IQCH: variants seen among roughly 807,000 people sequenced by gnomAD.
IQCH encodes the protein IQ motif containing H, also known as IQ domain-containing protein H.
IQCH carries 98 observed loss-of-function variants against 117.0 expected under a neutral mutation model. The ratio of observed to expected loss-of-function variants is 0.84; its 90% confidence interval spans 0.71 to 0.99. The LOEUF is 0.99. Ranked by LOEUF, IQCH falls within the 50% of genes least tolerant of loss-of-function variation. The pLI is 0.00. For synonymous variants in IQCH, 412 were observed against 448.2 expected (o/e 0.92, Z 1.02); for missense variants, 1,102 against 1,243.8 (o/e 0.89, Z 1.72).
At chr15:67,255,118 C>T (rs1965092557) in intron 1 of IQCH, 171 bp downstream of exon 1, 3 of 669,490 alleles carry the variant, frequency 4.5e-6, no homozygotes, top group African/African-American at 1.8e-5. Flanking sequence ...CACGGCCCAG[C>T]ACACTCCCGG....
At chr15:67,468,765 GAGAAC>G (rs1002186762) in intron 17 of IQCH, among the ~76,000 whole-genome samples, 1 of 152,124 alleles carries the variant, frequency 6.6e-6, no homozygotes, top group Non-Finnish European at 1.5e-5. Context: ...CCTTACTGCC[GAGAAC>G]AGATTTTGGA....
intron 13 of IQCH, among the ~76,000 whole-genome samples, chr15:67,396,296 C>T (rs1415201620): frequency 1.3e-5 from 2 of 151,846 alleles, no homozygotes; most frequent in African/African-American, 2.4e-5. Context: ...AGACTTCCTT[C>T]GCTCTTCAGG....
At chr15:67,489,036 A>ATT (rs749936385) in intron 18 of IQCH, among the ~76,000 whole-genome samples, 2 of 143,384 alleles carry the variant, frequency 1.4e-5, no homozygotes, top group East Asian at 2.0e-4. Flanking sequence ...TACATATATA[A>ATT]TTTTTTTTTT....
At chr15:67,302,949 C>G (rs1967121612) in intron 4 of IQCH, among the ~76,000 whole-genome samples, 1 of 152,190 alleles carries the variant, frequency 6.6e-6, no homozygotes, top group South Asian at 2.1e-4. Flanking sequence ...CTAAACGTAT[C>G]TATGCTTATC....
rs1266796899 is a variant in IQCH, at chr15:67,463,956, C to T, written c.2506-1171C>T. Among the ~76,000 whole-genome samples the T allele has an allele frequency of 2.0e-5, 3 of 152,158 alleles. No homozygotes were observed. Among genetic ancestry groups the T allele is most frequent in the African/African-American group, 7.2e-5 (3 of 41,432 alleles). On this transcript the variant is annotated intron_variant, in intron 16 of 20. Coordinates refer to ENST00000335894, the MANE Select transcript of IQCH (RefSeq NM_001031715.3). This position sits in a 1 kb window ranked among gnomAD's most constrained non-coding sequence, Gnocchi z 4.0. ...CTCCTGGGTTCAAGCGATTCTCGTGCCTCAGCCTCCCAAGTATCTGAGATT... is the reference window on the plus strand; with the variant it reads ...CTCCTGGGTTCAAGCGATTCTCGTGTCTCAGCCTCCCAAGTATCTGAGATT...
intron 18 of IQCH, among the ~76,000 whole-genome samples, chr15:67,485,331 C>T (rs973542560): frequency 5.3e-5 from 8 of 151,838 alleles, no homozygotes; most frequent in African/African-American, 1.7e-4. Flanking sequence ...AAATGACTAG[C>T]GAACTAGAAA....
At chr15:67,330,509 C>G (rs1468000643) in intron 4 of IQCH, among the ~76,000 whole-genome samples, 1 of 152,098 alleles carries the variant, frequency 6.6e-6, no homozygotes, top group Non-Finnish European at 1.5e-5. Context: ...GCTGGTAAAC[C>G]TGACCAAGAG....
chr15:67,411,985 C>T lies in IQCH; in HGVS notation c.2098-4946C>T, dbSNP rs1161101927. 1.3e-5 allele frequency among the ~76,000 whole-genome samples: 2 copies of T among 152,122 alleles called. No individual in the cohort carries two copies. Among genetic ancestry groups the T allele is most frequent in the Non-Finnish European group, 2.9e-5 (2 of 68,014 alleles). ...GTCTTGGAACCTTCCAACGTCCTGACGATTGTTGATGCACTCTGAGAGGTA... is the reference window on the plus strand; with the variant it reads ...GTCTTGGAACCTTCCAACGTCCTGATGATTGTTGATGCACTCTGAGAGGTA... On this transcript the variant is annotated intron_variant, in intron 14 of 20. Transcript: ENST00000335894. The surrounding 1 kb of genome is among the most constrained non-coding windows in gnomAD (Gnocchi z 4.4).
chr15:67,451,529 T>C (rs376136253), intron 16 of IQCH, among the ~76,000 whole-genome samples: 1 of 152,156 alleles, frequency 6.6e-6, no homozygotes. Flanking sequence ...TGTAGTTGAG[T>C]GGTTTTGAGT....
intron 10 of IQCH, among the ~76,000 whole-genome samples, chr15:67,377,115 C>CAAAAAAA (rs5813442): frequency 3.7e-5 from 3 of 81,976 alleles, no homozygotes; most frequent in Admixed American, 1.2e-4. Context: ...GACTCCATCT[C>CAAAAAAA]AAAAAAAAAA....
At position 67,341,593 on chromosome 15, in the gene IQCH, C is replaced by T. The variant is rs533438890; in HGVS notation, c.509-2470C>T. On this transcript the variant is annotated intron_variant, in intron 5 of 20. Coordinates refer to ENST00000335894, the MANE Select transcript of IQCH (RefSeq NM_001031715.3). ...CTGTGAGATACATCATTTCTGATTACTTCAGGTGACCGTTTTGCTCATCTC... is the reference window on the plus strand; with the variant it reads ...CTGTGAGATACATCATTTCTGATTATTTCAGGTGACCGTTTTGCTCATCTC... Among the ~76,000 whole-genome samples, 4 of 152,288 alleles carry T rather than the reference C, an allele frequency of 2.6e-5. No individual in the cohort carries two copies. The East Asian group carries it at 5.8e-4, about 22-fold the overall frequency.
chr15:67,446,128 C>T (rs1421056134), intron 16 of IQCH, among the ~76,000 whole-genome samples: 2 of 152,158 alleles, frequency 1.3e-5, no homozygotes, highest in African/African-American at 4.8e-5. Context: ...ATATGAAAGA[C>T]TTATGGCATA....
At chr15:67,264,265 A>G (rs1013525558) in intron 3 of IQCH, among the ~76,000 whole-genome samples, 1 of 152,248 alleles carries the variant, frequency 6.6e-6, no homozygotes. Flanking sequence ...TACTGCCTGC[A>G]AGGCACTTGT....
chr15:67,350,858 GA>G (rs986207088), intron 6 of IQCH, among the ~76,000 whole-genome samples: 4 of 152,142 alleles, frequency 2.6e-5, no homozygotes, highest in African/African-American at 9.7e-5. Context: ...CTGACTTTTA[GA>G]AAGAATAATG....
intron 4 of IQCH, among the ~76,000 whole-genome samples, chr15:67,288,127 A>G (rs1966630710): frequency 6.6e-6 from 1 of 151,972 alleles, no homozygotes; most frequent in Admixed American, 6.6e-5. Flanking sequence ...ATTTCAATTT[A>G]TTTTGAATGT....
intron 8 of IQCH, among the ~76,000 whole-genome samples, chr15:67,362,295 T>A (rs1016977610): frequency 5.3e-5 from 8 of 149,674 alleles, no homozygotes; most frequent in East Asian, 3.9e-4. Flanking sequence ...TCTCCAAATT[T>A]AAAAAAAAAA....
At chr15:67,329,886 G>A (rs1968587560) in intron 4 of IQCH, among the ~76,000 whole-genome samples, 1 of 151,960 alleles carries the variant, frequency 6.6e-6, no homozygotes, top group East Asian at 1.9e-4. Flanking sequence ...GTGTGTGTGT[G>A]TCCTGTATTA....
At position 67,395,026 on chromosome 15, in the gene IQCH, A is replaced by G. The variant is rs1015248104; in HGVS notation, c.1633-265A>G. ...GCCAGCCTCTTTTCCTTCTGACAGA[A>G]GGATAATTCCACGTGGATCAAATAA... On this transcript the variant is annotated intron_variant, in intron 12 of 20. Coordinates refer to ENST00000335894, the MANE Select transcript of IQCH (RefSeq NM_001031715.3). This position sits in a 1 kb window ranked among gnomAD's most constrained non-coding sequence, Gnocchi z 4.0. 6.6e-6 allele frequency among the ~76,000 whole-genome samples: 1 copy of G among 152,178 alleles called. No homozygotes were observed. The highest frequency in any genetic ancestry group is 2.4e-5 in the African/African-American group (1 of 41,438).
At chr15:67,325,149 C>T (rs1420446113) in intron 4 of IQCH, among the ~76,000 whole-genome samples, 1 of 152,012 alleles carries the variant, frequency 6.6e-6, no homozygotes, top group Non-Finnish European at 1.5e-5. Context: ...ATTGATTGCT[C>T]TTCAAGTTCC....
Sources: gnomAD v4.1 joint callset for allele counts (sites outside exome capture counted in the v4.1 genomes callset) on GRCh38, gnomAD v4.1.1 for gene constraint, Gnocchi (gnomAD v3.1) non-coding constraint, MANE v1.5 for transcripts, NCBI Gene and HGNC (gene_info 2026-07-23, HGNC 2026-07-21) for gene names.